BMP6: variants seen among roughly 807,000 people sequenced by gnomAD.
BMP6 encodes VG-1-R.
In BMP6, 17 loss-of-function variants were observed where a neutral mutation model predicts 54.1. That is an observed-to-expected ratio of 0.31 (90% CI 0.22 to 0.47). The LOEUF (loss-of-function observed/expected upper bound fraction) is 0.47. BMP6 is among the 20% of genes least tolerant of loss of function. The pLI is 1.00. For synonymous variants in BMP6, 328 were observed against 291.2 expected (o/e 1.13, Z -1.28); for missense variants, 720 against 690.4 (o/e 1.04, Z -0.48).
rs1361530157 is a variant in BMP6, at chr6:7,727,071, C to G, written c.116C>G (p.Ala39Gly). 28 of 1,234,346 alleles carry G rather than the reference C, an allele frequency of 2.3e-5. No homozygotes were observed. Among genetic ancestry groups the G allele is most frequent in the Non-Finnish European group, 2.8e-5 (28 of 988,486 alleles). The allele number at this position is 1,234,346 out of a possible 1,614,324, so 76.5% of individuals were successfully genotyped here. Residue 39 changes from alanine (A) to glycine (G), a missense_variant, in exon 1 of 7, where the codon GCC becomes GGC. Ala to Gly is a moderately conservative substitution (Grantham distance 60). Around this residue, in one of 3 missense-constraint regions of BMP6, gnomAD observed 650 missense variants for 556.3 expected, o/e 1.17. Coordinates refer to ENST00000283147, the MANE Select transcript of BMP6 (RefSeq NM_001718.6). ...TTGCCCGCTGCCGCGGCCGCCGCCG[C>G]CGGGGGGCAGCTGCTGGGGGACGGC... is the stretch of plus-strand genomic sequence containing the variant. ...PPLPAAAAAA[A>G]GGQLLGDGGS...
intron 2 of BMP6, among the ~76,000 whole-genome samples, chr6:7,847,264 G>A (rs116121656): frequency 1.1e-4 from 17 of 152,300 alleles, no homozygotes; most frequent in Non-Finnish European, 2.4e-4. Flanking sequence ...CATGTGTTTC[G>A]TTGTTGTGCA....
intron 1 of BMP6, among the ~76,000 whole-genome samples, chr6:7,804,630 A>G (rs919518171): frequency 2.6e-5 from 4 of 152,216 alleles, no homozygotes; most frequent in Admixed American, 2.0e-4. Context: ...TGGAAAATTC[A>G]TTCATTCATT....
In BMP6 at chr6:7,727,282, G is replaced by T. The variant is rs768933997; in HGVS notation, c.327G>T (p.Gln109His). The T allele has an allele frequency of 6.2e-7, 1 of 1,606,136 alleles. No individual in the cohort carries two copies. The highest frequency in any genetic ancestry group is 8.5e-7 in the Non-Finnish European group (1 of 1,177,122). Reference protein sequence around the residue: ...LQQPQPPALRQQEEQQQQQQL... With the variant: ...LQQPQPPALRHQEEQQQQQQL... ...AGCCGCAGCCCCCGGCGCTCCGGCA[G>T]CAGGAGGAGCAGCAGCAGCAGCAGC... Residue 109 changes from glutamine to histidine, a missense_variant, in exon 1 of 7, where the codon CAG (glutamine) becomes CAT (histidine). Physicochemically the swap from Gln to His is conservative, Grantham distance 24. Coordinates refer to ENST00000283147, the MANE Select transcript of BMP6 (RefSeq NM_001718.6).
chr6:7,836,133 C>T (rs943785597), intron 1 of BMP6, among the ~76,000 whole-genome samples: 5 of 152,178 alleles, frequency 3.3e-5, no homozygotes, highest in Non-Finnish European at 5.9e-5. Flanking sequence ...CCACTGCGCC[C>T]GGCCTATCTC....
intron 1 of BMP6, among the ~76,000 whole-genome samples, chr6:7,735,373 T>G (rs780567204): frequency 1.3e-5 from 2 of 152,216 alleles, no homozygotes; most frequent in African/African-American, 2.4e-5. Context: ...TCTTATAATA[T>G]TAGCCTTGCT....
intron 1 of BMP6, among the ~76,000 whole-genome samples, chr6:7,827,055 G>A (rs755806550): frequency 4.6e-5 from 7 of 152,196 alleles, no homozygotes; most frequent in Non-Finnish European, 8.8e-5. Context: ...CTCCTTGGAG[G>A]CTTGCTGCCC....
chr6:7,816,441 G>T (rs990192555), intron 1 of BMP6, among the ~76,000 whole-genome samples: 1 of 152,182 alleles, frequency 6.6e-6, no homozygotes, highest in Non-Finnish European at 1.5e-5. Context: ...CCAGGTCTGT[G>T]TGACCACAAA....
Position 7,875,917 on chromosome 6 carries a change from G to A in BMP6, c.1205-3157G>A, listed in dbSNP as rs1561799217. On this transcript the variant is annotated intron_variant, in intron 4 of 6. Transcript: ENST00000283147. Reference sequence around the variant, plus strand: ...GTGGTCATCACCCTAGACACTGGCTGCCGTACTACCCATTCTTGATGTCAC... The same window carrying A: ...GTGGTCATCACCCTAGACACTGGCTACCGTACTACCCATTCTTGATGTCAC... Among the ~76,000 whole-genome samples the A allele has an allele frequency of 3.9e-5, 6 of 152,274 alleles. No individual in the cohort carries two copies. The South Asian group carries it at 1.2e-3, about 32-fold the overall frequency.
At chr6:7,750,767 T>A (rs1445040436) in intron 1 of BMP6, among the ~76,000 whole-genome samples, 1 of 152,222 alleles carries the variant, frequency 6.6e-6, no homozygotes, top group Admixed American at 6.5e-5. Flanking sequence ...AACTTGGCTA[T>A]TTTTTATTTC....
intron 1 of BMP6, among the ~76,000 whole-genome samples, chr6:7,797,536 CAA>C (rs1443916552): frequency 2.6e-5 from 4 of 152,142 alleles, no homozygotes; most frequent in African/African-American, 9.7e-5. Flanking sequence ...AGGTGAGAAA[CAA>C]GAGTGGGTGC....
At chr6:7,861,398 G>C in intron 2 of BMP6, 53 bp from the exon 3 acceptor site, 1 of 1,597,380 alleles carries the variant, frequency 6.3e-7, no homozygotes, top group South Asian at 1.1e-5. Flanking sequence ...GAAAGAGTGG[G>C]AAGGAGCTTC....
intron 1 of BMP6, among the ~76,000 whole-genome samples, chr6:7,820,877 A>G (rs1292416247): frequency 6.6e-6 from 1 of 152,200 alleles, no homozygotes; most frequent in African/African-American, 2.4e-5. Context: ...CCTCAGAAGG[A>G]GCACGCGATC....
intron 3 of BMP6, 82 bp downstream of exon 3, chr6:7,861,681 G>A (rs553110550): frequency 5.7e-5 from 89 of 1,554,176 alleles, no homozygotes; most frequent in African/African-American, 5.3e-4. Context: ...TGATAGAACC[G>A]TGGGCAACAG....
chr6:7,779,040 A>G (rs1392682165), intron 1 of BMP6, among the ~76,000 whole-genome samples: 1 of 152,240 alleles, frequency 6.6e-6, no homozygotes, highest in Non-Finnish European at 1.5e-5. Context: ...TTAGTGTTGC[A>G]TTAGGTGTGC....
chr6:7,774,463 T>C (rs1441503114), intron 1 of BMP6, among the ~76,000 whole-genome samples: 2 of 152,192 alleles, frequency 1.3e-5, no homozygotes, highest in African/African-American at 4.8e-5. Context: ...GGCAGGAGAA[T>C]CACTTGAACC....
intron 4 of BMP6, among the ~76,000 whole-genome samples, chr6:7,875,626 C>G (rs1349368638): frequency 6.6e-6 from 1 of 152,164 alleles, no homozygotes; most frequent in Non-Finnish European, 1.5e-5. Flanking sequence ...CATGATTGTG[C>G]CACTGTGCTC....
At chr6:7,727,720 G>T (rs1761768491) in intron 1 of BMP6, 101 bp downstream of exon 1, 2 of 1,309,984 alleles carry the variant, frequency 1.5e-6, no homozygotes, top group East Asian at 3.1e-5. Flanking sequence ...CCGGCGCGCG[G>T]GTCCCGCCTG....
At chr6:7,831,511 A>G (rs1244643076) in intron 1 of BMP6, among the ~76,000 whole-genome samples, 4 of 152,220 alleles carry the variant, frequency 2.6e-5, no homozygotes, top group Non-Finnish European at 5.9e-5. Context: ...TTAGGGGTCT[A>G]TTGCTTTGAA....
intron 2 of BMP6, among the ~76,000 whole-genome samples, chr6:7,859,677 G>A (rs766019545): frequency 2.0e-5 from 3 of 151,466 alleles, no homozygotes; most frequent in South Asian, 2.1e-4. Flanking sequence ...GACACCCCCC[G>A]CACCCCCCGC....
Sources: allele counts gnomAD v4.1 joint callset (sites outside exome capture counted in the v4.1 genomes callset), GRCh38; gene constraint gnomAD v4.1.1; regional missense constraint gnomAD v4.1.1; transcripts MANE v1.5; gene names NCBI Gene and HGNC (gene_info 2026-07-23, HGNC 2026-07-21).